Variants in HAUS4 observed in about 807,000 individuals in gnomAD.
HAUS4 encodes the protein HAUS augmin-like complex subunit 4.
A neutral mutation model predicts 50.6 loss-of-function variants in HAUS4; 34 were observed. That is an observed-to-expected ratio of 0.67 (90% CI 0.51 to 0.90). The LOEUF (loss-of-function observed/expected upper bound fraction) is 0.90, where lower values mean the gene tolerates loss of function less well. Ranked by LOEUF, HAUS4 falls within the 40% of genes least tolerant of loss-of-function variation. HAUS4 has a pLI of 0.00. For synonymous variants in HAUS4, 149 were observed against 161.4 expected (o/e 0.92, Z 0.58); for missense variants, 370 against 428.7 (o/e 0.86, Z 1.21).
Position 22,951,544 on chromosome 14 carries a change from TC to T in HAUS4, c.465+10del. 1 of 1,613,538 alleles carries T rather than the reference TC, an allele frequency of 6.2e-7. No individual in the cohort carries two copies. Among genetic ancestry groups the T allele is most frequent in the Non-Finnish European group, 8.5e-7 (1 of 1,179,666 alleles). The stretch of plus-strand genomic sequence containing the variant: ...ATTTCATTTATTTGGTTCCAATATC[TC>T]CCCGCCAACCTCTGAGAGTGGCATG... On this transcript the variant is annotated intron_variant, in intron 5 of 9. Transcript: ENST00000541587.
chr14:22,949,153 G>A (rs564406469), intron 6 of HAUS4, among the ~76,000 whole-genome samples: 95 of 84,206 alleles, frequency 1.1e-3, no homozygotes, highest in African/African-American at 3.9e-3. Context: ...ATGAAACTCC[G>A]TCTCAAAAAA....
intron 9 of HAUS4, 99 bp downstream of exon 9, chr14:22,947,072 C>T: frequency 1.2e-6 from 1 of 836,158 alleles, no homozygotes; most frequent in East Asian, 2.5e-5. Flanking sequence ...GTGTGAGCCA[C>T]TGTGCCCAGC....
intron 2 of HAUS4, chr14:22,954,606 C>T (rs1223052291): frequency 2.6e-5 from 4 of 152,390 alleles, no homozygotes; most frequent in African/African-American, 9.7e-5. Flanking sequence ...ATTGAACCAA[C>T]ATTAACAGGA....
rs2044644287 is a variant in HAUS4, at chr14:22,946,477, A to C, written c.*48T>G. The C allele has an allele frequency of 6.7e-7, 1 of 1,484,680 alleles. No individual in the cohort carries two copies. The highest frequency in any genetic ancestry group is 9.2e-7 in the Non-Finnish European group (1 of 1,084,926). 92.0% of individuals were successfully genotyped at this position (1,484,680 alleles called of 1,614,324 possible). A position where few individuals can be genotyped will look rare whatever the true frequency, so the allele number is the denominator to read the frequency against. On this transcript the variant is annotated 3_prime_UTR_variant, in exon 10 of 10. Transcript: ENST00000541587. ...AGGTGGTCCCACTAGCAGGAAGATT[A>C]GGAGGCAGCAGCTATGCAGAAGCCA...
chr14:22,956,492 C>A (rs1060865), intron 1 of HAUS4, among the ~76,000 whole-genome samples: 4,195 of 151,808 alleles, frequency 0.028, 192 homozygotes, highest in African/African-American at 0.095. Context: ...CTGTTCGTCC[C>A]CCCCTAGGGT....
In HAUS4 at chr14:22,947,305, A is replaced by T; in HGVS notation, c.840-66T>A. 2.8e-6 allele frequency: 3 copies of T among 1,085,608 alleles called. No individual in the cohort carries two copies. In the South Asian group the frequency reaches 3.8e-5, roughly 14 times the overall value. The allele number at this position is 1,085,608 out of a possible 1,614,324, so 67.2% of individuals were successfully genotyped here. On this transcript the variant is annotated intron_variant, in intron 8 of 9. Coordinates refer to ENST00000541587, the MANE Select transcript of HAUS4 (RefSeq NM_001166269.2). ...CTGATAGCAGCAGGGTTGGGAATGG[A>T]CGTAGTACCTGCCGACGGTCAAGGT...
At chr14:22,956,327 A>C (rs117836454) in intron 1 of HAUS4, among the ~76,000 whole-genome samples, 2,141 of 152,320 alleles carry the variant, frequency 0.014, 23 homozygotes, top group Non-Finnish European at 0.019. Flanking sequence ...ATTAAGAATT[A>C]ATAACACAAT....
chr14:22,952,829 C>A, intron 2 of HAUS4, 146 bp from the exon 3 acceptor site: 1 of 607,434 alleles, frequency 1.6e-6, no homozygotes, highest in Non-Finnish European at 2.7e-6. Context: ...TTTTAAAAAT[C>A]CACAAATAAA....
chr14:22,951,468 C>A, intron 5 of HAUS4, 87 bp downstream of exon 5: 2 of 1,469,382 alleles, frequency 1.4e-6, no homozygotes, highest in South Asian at 2.4e-5. Context: ...TTTACAAAAA[C>A]AATAAAGCTT....
In HAUS4 at chr14:22,952,440, A is replaced by C. The variant is rs778645388; in HGVS notation, c.218T>G (p.Leu73Arg). Residue 73 changes from leucine to arginine, a missense_variant, in exon 4 of 10, where the codon CTG becomes CGG. Physicochemically the swap from Leu to Arg is moderately radical, Grantham distance 102. Coordinates refer to ENST00000541587, the MANE Select transcript of HAUS4 (RefSeq NM_001166269.2). The part of the protein sequence containing the change: ...EQAQAWKEVR[L>R]HKTTWLRSEI... The stretch of plus-strand genomic sequence containing the variant: ...AGACCTCAACCATGTTGTCTTATGC[A>C]GTCGAACTTCCTTCCATGCCTAGAA... 4.2e-5 allele frequency: 68 copies of C among 1,614,078 alleles called. No individual in the cohort carries two copies. Among genetic ancestry groups the C allele is most frequent in the South Asian group, 2.5e-4 (23 of 91,068 alleles).
chr14:22,951,126 G>T (rs539113530), intron 5 of HAUS4, among the ~76,000 whole-genome samples: 1 of 151,524 alleles, frequency 6.6e-6, no homozygotes, highest in Non-Finnish European at 1.5e-5. Context: ...TCTGTCTCCC[G>T]AGTAGCTGGG....
intron 2 of HAUS4, among the ~76,000 whole-genome samples, chr14:22,953,628 GT>G (rs1286690240): frequency 4.8e-5 from 6 of 124,942 alleles, no homozygotes; most frequent in Non-Finnish European, 7.0e-5. Context: ...TTTGTTTTTT[GT>G]TTTTTTTTTG....
intron 8 of HAUS4, 124 bp downstream of exon 8, chr14:22,947,477 A>G (rs112400590): frequency 7.7e-6 from 8 of 1,035,040 alleles, no homozygotes; most frequent in African/African-American, 1.6e-5. Flanking sequence ...TAATACTGCT[A>G]TGTGACATTT....
At chr14:22,948,239 A>T (rs567623513) in intron 6 of HAUS4, 26 of 515,916 alleles carry the variant, frequency 5.0e-5, no homozygotes, top group African/African-American at 4.4e-4. Context: ...GCTTGAGCCC[A>T]AGAGTTCAAG....
intron 1 of HAUS4, among the ~76,000 whole-genome samples, chr14:22,956,225 T>C (rs1237468398): frequency 6.6e-6 from 1 of 152,206 alleles, no homozygotes; most frequent in Non-Finnish European, 1.5e-5. Context: ...CGGCCGGCCG[T>C]TGCTTCTGAG....
intron 6 of HAUS4, among the ~76,000 whole-genome samples, chr14:22,948,828 C>T (rs1341255334): frequency 6.6e-6 from 1 of 152,142 alleles, no homozygotes; most frequent in Non-Finnish European, 1.5e-5. Flanking sequence ...AGCCACCGCG[C>T]CCGGCCCGGA....
rs894160097 is a variant in HAUS4, at chr14:22,950,304, T to A, written c.562+10A>T. 2.7e-6 allele frequency: 4 copies of A among 1,488,664 alleles called. No homozygotes were observed. Among genetic ancestry groups the A allele is most frequent in the Non-Finnish European group, 3.8e-6 (4 of 1,065,584 alleles). 92.2% of individuals were successfully genotyped at this position (1,488,664 alleles called of 1,614,324 possible). A position where few individuals can be genotyped will look rare whatever the true frequency, so the allele number is the denominator to read the frequency against. On this transcript the variant is annotated intron_variant, in intron 6 of 9. Transcript: ENST00000541587. ...TCCAGCTGTGAGCAGAACAGACAGC[T>A]AGCACTCACCTGAATTGGGATCATA...
chr14:22,948,464 G>GGGA lies in HAUS4; in HGVS notation c.563-452_563-451insTCC, dbSNP rs1555355804. ...TTAAAAAAAAAAAAGCGGGGGGGGG[G>GGGA]AGGGCATCTGGTTCTCATAATTATT... is the stretch of plus-strand genomic sequence containing the variant. On this transcript the variant is annotated intron_variant, in intron 6 of 9. Coordinates refer to ENST00000541587, the MANE Select transcript of HAUS4 (RefSeq NM_001166269.2). 2.5e-4 allele frequency among the ~76,000 whole-genome samples: 31 copies of GGGA among 122,716 alleles called. 1 individual carries two copies. The highest frequency in any genetic ancestry group is 8.7e-4 in the African/African-American group (31 of 35,732). The allele number at this position is 122,716 out of a possible 152,430, so 80.5% of individuals were successfully genotyped here.
Position 22,946,354 on chromosome 14 carries a change from TA to T in HAUS4, c.*170del. ...AGATTTTCCAGAAGAGGCCCAGTCA[TA>T]AAAAATAAAGAGAAACCAGGAGAGT... is the stretch of plus-strand genomic sequence containing the variant. On this transcript the variant is annotated 3_prime_UTR_variant, in exon 10 of 10. Coordinates refer to ENST00000541587, the MANE Select transcript of HAUS4 (RefSeq NM_001166269.2). 2.2e-6 allele frequency: 1 copy of T among 458,298 alleles called. No individual in the cohort carries two copies. The highest frequency in any genetic ancestry group is 3.8e-6 in the Non-Finnish European group (1 of 262,588). 28.4% of individuals were successfully genotyped at this position (458,298 alleles called of 1,614,324 possible).
Sources: gnomAD v4.1 joint callset for allele counts (sites outside exome capture counted in the v4.1 genomes callset) on GRCh38, gnomAD v4.1.1 for gene constraint, MANE v1.5 for transcripts, NCBI Gene and HGNC (gene_info 2026-07-23, HGNC 2026-07-21) for gene names.